CCDC148: variants seen among roughly 807,000 people sequenced by gnomAD.
CCDC148 encodes coiled-coil domain containing 148.
In CCDC148, 89 loss-of-function variants were observed where a neutral mutation model predicts 85.7. The ratio of observed to expected loss-of-function variants is 1.04; its 90% CI spans 0.87 to 1.24. The LOEUF is 1.24. Ranked by LOEUF, CCDC148 falls within the 50% of genes most tolerant of loss-of-function variation. CCDC148 has a pLI of 0.00. For missense variants in CCDC148, 692 were observed against 671.7 expected, an observed-to-expected ratio of 1.03 and a Z score of -0.33; for synonymous variants, 230 against 213.9, an observed-to-expected ratio of 1.08 and a Z score of -0.66.
intron 9 of CCDC148, among the ~76,000 whole-genome samples, chr2:158,253,257 A>T (rs1336756489): frequency 6.6e-6 from 1 of 151,700 alleles, no homozygotes; most frequent in Non-Finnish European, 1.5e-5. Flanking sequence ...TCAATATAGA[A>T]TCTAAATAAT....
chr2:158,353,038 T>C (rs1683407999), intron 2 of CCDC148, among the ~76,000 whole-genome samples: 1 of 151,606 alleles, frequency 6.6e-6, no homozygotes, highest in African/African-American at 2.4e-5. Flanking sequence ...AGAGATTTTG[T>C]CACCACCACG....
At chr2:158,366,028 C>G in intron 1 of CCDC148, 1 of 1,541,326 alleles carries the variant, frequency 6.5e-7, no homozygotes, top group Non-Finnish European at 8.8e-7. Context: ...GCTATCATTT[C>G]TCTGAATTGT....
chr2:158,394,122 C>A (rs1685430924), intron 1 of CCDC148, among the ~76,000 whole-genome samples: 1 of 152,066 alleles, frequency 6.6e-6, no homozygotes, highest in Non-Finnish European at 1.5e-5. Flanking sequence ...ATTCCACTTA[C>A]AACCACTGTC....
chr2:158,306,357 C>T (rs1691685553), intron 9 of CCDC148, among the ~76,000 whole-genome samples: 1 of 151,162 alleles, frequency 6.6e-6, no homozygotes, highest in Non-Finnish European at 1.5e-5. Flanking sequence ...CCCATCTCTA[C>T]TAAAAAAAAA....
intron 1 of CCDC148, among the ~76,000 whole-genome samples, chr2:158,365,811 A>T (rs953050045): frequency 1.3e-5 from 2 of 152,206 alleles, no homozygotes; most frequent in African/African-American, 4.8e-5. Context: ...ATAATAAAAA[A>T]AAGGAAGAAA....
At chr2:158,419,033 C>A (rs1040081052) in intron 1 of CCDC148, among the ~76,000 whole-genome samples, 5 of 151,976 alleles carry the variant, frequency 3.3e-5, no homozygotes, top group African/African-American at 1.2e-4. Context: ...AGATAATAAC[C>A]CAAATGTGTG....
At chr2:158,240,091 G>A (rs1688283446) in intron 10 of CCDC148, among the ~76,000 whole-genome samples, 1 of 151,614 alleles carries the variant, frequency 6.6e-6, no homozygotes, top group Non-Finnish European at 1.5e-5. Context: ...CAGCTCTACT[G>A]GCAGCAAGTT....
At chr2:158,379,242 T>C (rs956340819) in intron 1 of CCDC148, among the ~76,000 whole-genome samples, 1 of 152,100 alleles carries the variant, frequency 6.6e-6, no homozygotes. Context: ...AGGAAGTAAC[T>C]GCAGATGTGG....
At chr2:158,221,167 T>A (rs1289096095) in intron 10 of CCDC148, among the ~76,000 whole-genome samples, 3 of 152,212 alleles carry the variant, frequency 2.0e-5, no homozygotes, top group Non-Finnish European at 4.4e-5. Flanking sequence ...CAGCAGGATG[T>A]TGAAAGCTTT....
intron 1 of CCDC148, among the ~76,000 whole-genome samples, chr2:158,389,746 T>C (rs1449036623): frequency 6.6e-6 from 1 of 152,220 alleles, no homozygotes; most frequent in Non-Finnish European, 1.5e-5. Flanking sequence ...AAGACAACTT[T>C]TGCACATTTA....
At chr2:158,213,144 T>C (rs1686669723) in intron 11 of CCDC148, among the ~76,000 whole-genome samples, 2 of 152,178 alleles carry the variant, frequency 1.3e-5, no homozygotes, top group African/African-American at 4.8e-5. Flanking sequence ...TAGCAAAGAA[T>C]GGAATAACAG....
At chr2:158,294,002 CTCCTTCCT>C (rs1185894027) in intron 9 of CCDC148, among the ~76,000 whole-genome samples, 165 of 15,160 alleles carry the variant, frequency 0.011, 1 homozygote, top group South Asian at 0.02. Context: ...CCCTCCCTCC[CTCCTTCCT>C]TCCTTCCTTC....
At chr2:158,440,360 C>CA (rs1353982802) in intron 1 of CCDC148, among the ~76,000 whole-genome samples, 1 of 151,794 alleles carries the variant, frequency 6.6e-6, no homozygotes, top group Non-Finnish European at 1.5e-5. Context: ...TGTACACCTC[C>CA]AAAAAAACTG....
chr2:158,234,440 A>G (rs1005388399), intron 10 of CCDC148, among the ~76,000 whole-genome samples: 1 of 152,162 alleles, frequency 6.6e-6, no homozygotes, highest in Non-Finnish European at 1.5e-5. Flanking sequence ...AAACAAGCTC[A>G]TTTACCTCTG....
intron 9 of CCDC148, among the ~76,000 whole-genome samples, chr2:158,268,266 C>T (rs12467934): frequency 0.46 from 69,117 of 151,722 alleles, 16,243 homozygotes; most frequent in East Asian, 0.66. Flanking sequence ...GTTTGGAGGG[C>T]TAGTTTTCTG....
chr2:158,173,059 G>A (rs953699797), intron 13 of CCDC148, among the ~76,000 whole-genome samples: 1 of 152,068 alleles, frequency 6.6e-6, no homozygotes, highest in Non-Finnish European at 1.5e-5. Flanking sequence ...GATAACTACA[G>A]ATTATGGCAA....
intron 7 of CCDC148, 175 bp downstream of exon 7, chr2:158,338,551 A>G (rs919160304): frequency 3.8e-5 from 20 of 521,776 alleles, no homozygotes; most frequent in Non-Finnish European, 6.5e-5. Context: ...TTATGTCAAG[A>G]AATTTTTTTG....
intron 2 of CCDC148, among the ~76,000 whole-genome samples, chr2:158,356,526 A>G (rs1683646491): frequency 1.3e-5 from 2 of 152,302 alleles, no homozygotes; most frequent in African/African-American, 2.4e-5. Context: ...CAAAACTACA[A>G]TGAGATACCA....
intron 11 of CCDC148, among the ~76,000 whole-genome samples, chr2:158,211,856 T>TAAA (rs1686595806): frequency 6.6e-6 from 1 of 152,228 alleles, no homozygotes; most frequent in Non-Finnish European, 1.5e-5. Context: ...TATATTGCTT[T>TAAA]GTCCATGAAT....
Sources: gnomAD v4.1 joint callset for allele counts (sites outside exome capture counted in the v4.1 genomes callset) on GRCh38, gnomAD v4.1.1 for gene constraint, MANE v1.5 for transcripts, NCBI Gene and HGNC (gene_info 2026-07-23, HGNC 2026-07-21) for gene names.